WDR49: variants seen among roughly 807,000 people sequenced by gnomAD.
The protein encoded by WDR49 is cilia- and flagella-associated protein 337.
A neutral mutation model predicts 119.5 loss-of-function variants in WDR49; 107 were observed. The observed-to-expected ratio is 0.90, with a 90% CI of 0.77 to 1.05. WDR49 has a LOEUF of 1.05. Ranked by LOEUF, WDR49 falls within the 50% of genes least tolerant of loss-of-function variation. The pLI, the probability that WDR49 is intolerant of heterozygous loss-of-function variation, is 0.00. For synonymous variants in WDR49, 425 were observed against 418.8 expected, an observed-to-expected ratio of 1.01 and a Z score of -0.18; for missense variants, 1,240 against 1,220.5, an observed-to-expected ratio of 1.02 and a Z score of -0.24.
chr3:167,531,336 T>G, intron 12 of WDR49, 57 bp from the exon 13 acceptor site: 1 of 1,581,860 alleles, frequency 6.3e-7, no homozygotes, highest in Non-Finnish European at 8.6e-7. Context: ...CTTTTCAAAC[T>G]AATGCCTATG....
intron 2 of WDR49, among the ~76,000 whole-genome samples, chr3:167,651,258 T>A (rs75420454): frequency 0.013 from 1,950 of 152,228 alleles, 36 homozygotes; most frequent in African/African-American, 0.045. Flanking sequence ...AATGAAGATA[T>A]AAAGGAATCT....
At chr3:167,514,628 G>GACACACACAC (rs59265631) in intron 16 of WDR49, among the ~76,000 whole-genome samples, 6 of 141,034 alleles carry the variant, frequency 4.3e-5, no homozygotes, top group South Asian at 2.4e-4. Context: ...AGGAGATGCA[G>GACACACACAC]ACACACACAC....
At chr3:167,479,389 G>C (rs1750605965) in intron 18 of WDR49, among the ~76,000 whole-genome samples, 1 of 152,066 alleles carries the variant, frequency 6.6e-6, no homozygotes, top group Admixed American at 6.5e-5. Flanking sequence ...TTGACTGTCT[G>C]CATGAATAAA....
In WDR49 at chr3:167,555,393, CA is replaced by C. The variant is rs547702755; in HGVS notation, c.1675-596del. 1.1e-4 allele frequency among the ~76,000 whole-genome samples: 16 copies of C among 152,252 alleles called. 1 individual carries two copies. In the South Asian group the frequency reaches 3.1e-3, roughly 30 times the overall value. ...TGTTCATCTGTATCCTTTGTAATATCATTTATAATTAATGAATACATGTAAG... is the reference window on the plus strand; with the variant it reads ...TGTTCATCTGTATCCTTTGTAATATCTTTATAATTAATGAATACATGTAAG... On this transcript the variant is annotated intron_variant, in intron 9 of 18. Coordinates refer to ENST00000682715, the MANE Select transcript of WDR49 (RefSeq NM_001366157.1).
At chr3:167,507,234 A>G (rs1013013076) in intron 16 of WDR49, among the ~76,000 whole-genome samples, 1 of 151,598 alleles carries the variant, frequency 6.6e-6, no homozygotes, top group African/African-American at 2.4e-5. Context: ...GGAATTACAG[A>G]TTTTTTTTTC....
chr3:167,492,766 T>A (rs1751194487), intron 18 of WDR49, among the ~76,000 whole-genome samples: 1 of 152,156 alleles, frequency 6.6e-6, no homozygotes, highest in Non-Finnish European at 1.5e-5. Context: ...TAAAATTTCA[T>A]CTTTATACAT....
rs79883763 is a variant in WDR49, at chr3:167,565,697, C to A, written c.1510-5469G>T. ...GCCCTGAGGCACAGTGTCCTTGGCA[C>A]ATTCAAGGAATAGCAAGGAAGCCAG... is the stretch of plus-strand genomic sequence containing the variant. On this transcript the variant is annotated intron_variant, in intron 8 of 18. Transcript: ENST00000682715. Among the ~76,000 whole-genome samples, 1,302 of 152,138 alleles carry A rather than the reference C, an allele frequency of 8.6e-3. 18 individuals are homozygous for A. The highest frequency in any genetic ancestry group is 0.03 in the African/African-American group (1,243 of 41,504).
intron 15 of WDR49, among the ~76,000 whole-genome samples, chr3:167,523,868 G>A (rs1334168591): frequency 6.6e-6 from 1 of 152,128 alleles, no homozygotes; most frequent in Non-Finnish European, 1.5e-5. Context: ...ATGTGCATGT[G>A]TATTTAATAG....
chr3:167,571,371 A>G (rs1055999750), intron 8 of WDR49, among the ~76,000 whole-genome samples: 1 of 152,214 alleles, frequency 6.6e-6, no homozygotes, highest in African/African-American at 2.4e-5. Context: ...TAGAAGCAGG[A>G]TAAAAAAGTA....
intron 11 of WDR49, 150 bp downstream of exon 11, chr3:167,536,720 T>C (rs1461698150): frequency 3.2e-5 from 6 of 187,624 alleles, no homozygotes; most frequent in African/African-American, 1.0e-4. Context: ...CACATATATA[T>C]ATATATATAT....
chr3:167,523,120 G>A (rs538706794), intron 15 of WDR49, among the ~76,000 whole-genome samples: 100 of 152,194 alleles, frequency 6.6e-4, no homozygotes, highest in African/African-American at 2.2e-3. Context: ...GAGGGGAACC[G>A]TAGGCATCCT....
At chr3:167,580,825 G>C (rs1714492617) in intron 7 of WDR49, among the ~76,000 whole-genome samples, 3 of 152,104 alleles carry the variant, frequency 2.0e-5, no homozygotes, top group Non-Finnish European at 4.4e-5. Flanking sequence ...CCACAGTTCA[G>C]AAAGGAATAT....
intron 17 of WDR49, among the ~76,000 whole-genome samples, chr3:167,502,437 G>C (rs2108211045): frequency 1.3e-5 from 2 of 152,338 alleles, no homozygotes; most frequent in South Asian, 4.1e-4. Flanking sequence ...CTGGCTAATG[G>C]GCAGACGTTG....
chr3:167,536,284 C>T (rs983167768), intron 11 of WDR49, among the ~76,000 whole-genome samples: 9 of 152,012 alleles, frequency 5.9e-5, no homozygotes, highest in African/African-American at 2.2e-4. Flanking sequence ...TGCTAATTAC[C>T]ATGATCTGAT....
At chr3:167,510,424 C>T (rs1414562334) in intron 16 of WDR49, among the ~76,000 whole-genome samples, 1 of 151,918 alleles carries the variant, frequency 6.6e-6, no homozygotes, top group African/African-American at 2.4e-5. Flanking sequence ...GTTTTTTTTA[C>T]TATTTTATCC....
chr3:167,547,210 T>C (rs558464777), intron 10 of WDR49, among the ~76,000 whole-genome samples: 1 of 152,008 alleles, frequency 6.6e-6, no homozygotes, highest in South Asian at 2.1e-4. Flanking sequence ...ATGTAATATC[T>C]TGTGATATAT....
chr3:167,582,146 C>G (rs1577254293), intron 7 of WDR49, among the ~76,000 whole-genome samples: 1 of 151,704 alleles, frequency 6.6e-6, no homozygotes, highest in South Asian at 2.1e-4. Context: ...GGATAGCATA[C>G]TTGCAGATAA....
intron 7 of WDR49, among the ~76,000 whole-genome samples, chr3:167,578,070 T>A (rs1233037016): frequency 1.3e-5 from 2 of 152,166 alleles, no homozygotes; most frequent in Non-Finnish European, 2.9e-5. Context: ...CATTCTATCC[T>A]ACCTTCTTCT....
intron 5 of WDR49, among the ~76,000 whole-genome samples, chr3:167,614,005 C>G (rs1037613123): frequency 2.0e-5 from 3 of 151,786 alleles, no homozygotes; most frequent in Admixed American, 6.6e-5. Flanking sequence ...CTTCTTCTAG[C>G]CCTGGTCAAA....
Sources: gnomAD v4.1 joint callset for allele counts (sites outside exome capture counted in the v4.1 genomes callset) on GRCh38, gnomAD v4.1.1 for gene constraint, MANE v1.5 for transcripts, NCBI Gene and HGNC (gene_info 2026-07-23, HGNC 2026-07-21) for gene names.